The following KRCC1 variants were observed in gnomAD, a reference collection of about 807,000 sequenced individuals.
The protein encoded by KRCC1 is lysine-rich coiled-coil protein 1.
Under a neutral mutation model 7.4 loss-of-function variants are expected in KRCC1, and 3 were observed. The ratio of observed to expected loss-of-function variants is 0.40; its 90% CI spans 0.18 to 1.04. The LOEUF is 1.04. Ranked by LOEUF, KRCC1 falls within the 50% of genes least tolerant of loss-of-function variation. The probability of loss-of-function intolerance (pLI) is 0.33; values close to 1 mark genes in which losing one functional copy is unlikely to be tolerated. For synonymous variants in KRCC1, 102 were observed against 101.6 expected, an observed-to-expected ratio of 1.00 and a Z score of -0.02; for missense variants, 277 against 300.9, an observed-to-expected ratio of 0.92 and a Z score of 0.59.
chr2:88,055,432 C>T (rs1265905152), intron 1 of KRCC1, among the ~76,000 whole-genome samples, 194 bp downstream of exon 1: 1 of 152,014 alleles, frequency 6.6e-6, no homozygotes, highest in Non-Finnish European at 1.5e-5. Flanking sequence ...CTCCGCACTC[C>T]ACTCGGAAGC....
In KRCC1 at chr2:88,027,749, TCAA is replaced by T. The variant is rs1317214022; in HGVS notation, c.*32_*34del. On this transcript the variant is annotated 3_prime_UTR_variant, in exon 4 of 4. Coordinates refer to ENST00000347055, the MANE Select transcript of KRCC1 (RefSeq NM_016618.3). ...TAAAACCAAGCTCTCACCTATTTTT[TCAA>T]TTTAACTTTGGGAGAACCAACTTTG... The T allele has an allele frequency of 6.5e-7, 1 of 1,534,514 alleles. No homozygotes were observed. Among genetic ancestry groups the T allele is most frequent in the African/African-American group, 1.4e-5 (1 of 71,956 alleles).
chr2:88,038,998 T>G (rs1673149647), intron 1 of KRCC1, among the ~76,000 whole-genome samples: 1 of 152,168 alleles, frequency 6.6e-6, no homozygotes, highest in African/African-American at 2.4e-5. Context: ...CAGTTGAGTC[T>G]CTTGACTGCC....
At chr2:88,053,287 T>C (rs1186848216) in intron 1 of KRCC1, among the ~76,000 whole-genome samples, 1 of 152,174 alleles carries the variant, frequency 6.6e-6, no homozygotes, top group East Asian at 1.9e-4. Flanking sequence ...AGTATTCTCA[T>C]TTTACCACCC....
At chr2:88,028,644 C>CTTTTTTTTTTTTTTTTT in intron 3 of KRCC1, 59 bp from the exon 4 acceptor site, 1 of 412,536 alleles carries the variant, frequency 2.4e-6, no homozygotes, top group Non-Finnish European at 4.1e-6. Flanking sequence ...TTCCTTTGCT[C>CTTTTTTTTTTTTTTTTT]TTTTTTTTTT....
At chr2:88,052,343 G>C (rs1235299002) in intron 1 of KRCC1, among the ~76,000 whole-genome samples, 1 of 152,146 alleles carries the variant, frequency 6.6e-6, no homozygotes, top group Non-Finnish European at 1.5e-5. Flanking sequence ...TTGCAAATTT[G>C]ACTTCATGAA....
chr2:88,034,245 T>C lies in KRCC1; in HGVS notation c.-134A>G, dbSNP rs1673049928. ...ATAACTGGTGAGCTAAAAACCACAA[T>C]TCAGAGATCAAAAATCAATTTTTGT... On this transcript the variant is annotated 5_prime_UTR_variant, in exon 3 of 4. Coordinates refer to ENST00000347055, the MANE Select transcript of KRCC1 (RefSeq NM_016618.3). 1.3e-5 allele frequency: 2 copies of C among 152,550 alleles called. No homozygotes were observed. Among genetic ancestry groups the C allele is most frequent in the South Asian group, 4.1e-4 (2 of 4,820 alleles). The allele number at this position is 152,550 out of a possible 1,614,324, so 9.4% of individuals were successfully genotyped here. A position where few individuals can be genotyped will look rare whatever the true frequency, so the allele number is the denominator to read the frequency against.
At chr2:88,030,367 T>G (rs551780752) in intron 3 of KRCC1, among the ~76,000 whole-genome samples, 6 of 151,544 alleles carry the variant, frequency 4.0e-5, no homozygotes, top group Non-Finnish European at 7.4e-5. Flanking sequence ...AAAGAAAATC[T>G]AAATGAAGCC....
At chr2:88,046,635 T>TA (rs1673341207) in intron 1 of KRCC1, among the ~76,000 whole-genome samples, 1 of 152,224 alleles carries the variant, frequency 6.6e-6, no homozygotes, top group African/African-American at 2.4e-5. Context: ...ACCTGATCCT[T>TA]ACTCTCTTTT....
intron 2 of KRCC1, among the ~76,000 whole-genome samples, chr2:88,036,027 A>G (rs901531790): frequency 2.0e-5 from 3 of 152,212 alleles, no homozygotes; most frequent in Non-Finnish European, 4.4e-5. Flanking sequence ...AGGCTAAGAC[A>G]TGACTGTAAT....
chr2:88,054,825 T>C (rs1215675020), intron 1 of KRCC1, among the ~76,000 whole-genome samples: 1 of 152,198 alleles, frequency 6.6e-6, no homozygotes, highest in Non-Finnish European at 1.5e-5. Flanking sequence ...AAAACTCAGC[T>C]GGGCGCGGTA....
chr2:88,042,067 T>C (rs1230526072), intron 1 of KRCC1, among the ~76,000 whole-genome samples: 1 of 150,562 alleles, frequency 6.6e-6, no homozygotes, highest in East Asian at 1.9e-4. Context: ...TCTTTTTTTT[T>C]TTTTTTTTTT....
chr2:88,039,853 T>C (rs995616766), intron 1 of KRCC1, among the ~76,000 whole-genome samples: 1 of 152,160 alleles, frequency 6.6e-6, no homozygotes, highest in African/African-American at 2.4e-5. Flanking sequence ...GACATGGTGA[T>C]GTGATGGTGA....
chr2:88,053,852 C>T (rs1171714787), intron 1 of KRCC1, among the ~76,000 whole-genome samples: 1 of 152,108 alleles, frequency 6.6e-6, no homozygotes, highest in Non-Finnish European at 1.5e-5. Context: ...ATAGGTGTCT[C>T]TCTTGGAAAA....
rs1368883013 is a variant in KRCC1 at position 88,028,170 on chromosome 2, C to A, written c.394G>T (p.Val132Leu). 6.2e-7 allele frequency: 1 copy of A among 1,614,022 alleles called. No individual in the cohort carries two copies. The part of the protein sequence containing the change: ...QQEYICGSHG[V>L]EHRVYKHFSS... Reference sequence around the variant, plus strand: ...AAGTGCTTGTAAACTCTATGTTCTACACCATGTGAGCCACAAATATATTCT... The same window carrying A: ...AAGTGCTTGTAAACTCTATGTTCTAAACCATGTGAGCCACAAATATATTCT... The change falls in exon 4 of 4, where the codon GTA (valine) becomes TTA (leucine). Residue 132 changes from valine (V) to leucine (L), a missense_variant. Val to Leu is a conservative substitution (Grantham distance 32). Coordinates refer to ENST00000347055, the MANE Select transcript of KRCC1 (RefSeq NM_016618.3).
intron 2 of KRCC1, among the ~76,000 whole-genome samples, chr2:88,034,919 T>C (rs1673063521): frequency 6.6e-6 from 1 of 152,182 alleles, no homozygotes; most frequent in African/African-American, 2.4e-5. Flanking sequence ...TCTCTGTGCT[T>C]GTAAAGCCCT....
intron 2 of KRCC1, among the ~76,000 whole-genome samples, chr2:88,035,978 T>C (rs931534919): frequency 6.6e-6 from 1 of 152,192 alleles, no homozygotes; most frequent in Non-Finnish European, 1.5e-5. Flanking sequence ...CAGCAATTAA[T>C]GGTGGAGTCA....
Position 88,028,347 on chromosome 2 carries a change from T to C in KRCC1, c.217A>G (p.Arg73Gly), listed in dbSNP as rs1273416827. 8.7e-6 allele frequency: 14 copies of C among 1,614,174 alleles called. No homozygotes were observed. In the East Asian group the frequency reaches 3.1e-4, roughly 36 times the overall value. Residue 73 changes from arginine (R) to glycine (G), a missense_variant, in exon 4 of 4, where the codon AGA becomes GGA. Transcript: ENST00000347055. ...ACTGTTTGTGGAATATTGCATGATC[T>C]TGGGTAGGTCTGGATGGTTTCAGAT... Reference protein sequence around the residue: ...LPSETIQTYPRSCNIPQTVEN... With the variant: ...LPSETIQTYPGSCNIPQTVEN...
In KRCC1 at chr2:88,029,507, G is replaced by A. The variant is rs544670941; in HGVS notation, c.-22-922C>T. On this transcript the variant is annotated intron_variant, in intron 3 of 3. Transcript: ENST00000347055. ...AGGGAAGATGAAAGCACAGAGTTCT[G>A]TATCTTCTGTGTAGGCTTGGATTTC... 9.9e-5 allele frequency among the ~76,000 whole-genome samples: 15 copies of A among 152,212 alleles called. No individual in the cohort carries two copies. In the South Asian group the frequency reaches 3.1e-3, roughly 32 times the overall value.
Position 88,027,956 on chromosome 2 carries a change from T to C in KRCC1, c.608A>G (p.Glu203Gly), listed in dbSNP as rs377409783. ...TGTACTGACATGTACGGTTTCTATT[T>C]CCACCTCTGTTTTCTTTCTTTGGAT... is the stretch of plus-strand genomic sequence containing the variant. ...KSIQRKKTEV[E>G]IETVHVSTEK... is the part of the protein sequence containing the mutation. Residue 203 changes from glutamate (E) to glycine (G), a missense_variant, in exon 4 of 4, where the codon GAA becomes GGA. Coordinates refer to ENST00000347055, the MANE Select transcript of KRCC1 (RefSeq NM_016618.3). 100 of 1,613,656 alleles carry C rather than the reference T, an allele frequency of 6.2e-5. No individual in the cohort carries two copies. The highest frequency in any genetic ancestry group is 8.4e-5 in the Non-Finnish European group (99 of 1,179,980).
Sources: allele counts gnomAD v4.1 joint callset (sites outside exome capture counted in the v4.1 genomes callset), GRCh38; gene constraint gnomAD v4.1.1; transcripts MANE v1.5; gene names NCBI Gene and HGNC (gene_info 2026-07-23, HGNC 2026-07-21).